AMY2B: variants seen among roughly 807,000 people sequenced by gnomAD.
The protein encoded by AMY2B is amylase alpha 2B, also known as alpha-amylase 2B.
In AMY2B, 63 loss-of-function variants were observed where a neutral mutation model predicts 59.3. That is an observed-to-expected ratio of 1.06 (90% CI 0.87 to 1.31). AMY2B has a LOEUF of 1.31. Among genes scored for constraint, AMY2B ranks in the 50% most tolerant of loss-of-function variants. The pLI is 0.00. For synonymous variants in AMY2B, 180 were observed against 198.1 expected (o/e 0.91, Z 0.77); for missense variants, 635 against 626.7 (o/e 1.01, Z -0.14).
At chr1:103,570,425 C>A (rs1005548624), upstream of AMY2B, 11 of 876,352 alleles carry the variant, frequency 1.3e-5, no homozygotes, top group Admixed American at 1.2e-4. Context: ...TCCGCAAAGA[C>A]CTGTAGGCCA....
At chr1:103,569,720 T>C, upstream of AMY2B, 1 of 403,802 alleles carries the variant, frequency 2.5e-6, no homozygotes, top group Non-Finnish European at 5.0e-6. Context: ...GTGGGCTACA[T>C]GGCTGAGAGC....
At chr1:103,558,734 G>A (rs1387152254) in intron 1 of AMY2B, among the ~76,000 whole-genome samples, 1 of 147,150 alleles carries the variant, frequency 6.8e-6, no homozygotes, top group Non-Finnish European at 1.5e-5. Context: ...CTGCACTCCA[G>A]CCTGGGTGAC....
At chr1:103,571,875 G>A (rs989779617) in intron 1 of AMY2B, 105 bp downstream of exon 1, 13 of 1,602,548 alleles carry the variant, frequency 8.1e-6, no homozygotes, top group Middle Eastern at 4.6e-4. Flanking sequence ...TCACAGGTAA[G>A]TATTCTAAGT....
Position 103,577,807 on chromosome 1 carries a change from A to C in AMY2B, c.1308A>C (p.Arg436Ser). The C allele has an allele frequency of 1.2e-6, 2 of 1,605,372 alleles. No homozygotes were observed. The highest frequency in any genetic ancestry group is 8.5e-7 in the Non-Finnish European group (1 of 1,179,750). Residue 436 changes from arginine to serine, a missense_variant, in exon 9 of 10, where the codon AGA becomes AGC. By Grantham distance (110) the Arg-to-Ser change is moderately radical (BLOSUM62 -1). Transcript: ENST00000684275. The stretch of plus-strand genomic sequence containing the variant: ...GGAGCAACCAAGTGGCTTTTGGGAG[A>C]GGAAACAGAGGATTCATTGTTTTCA... ...DNGSNQVAFG[R>S]GNRGFIVFNN...
chr1:103,568,187 G>A (rs1353184528), upstream of AMY2B: 1 of 151,932 alleles, frequency 6.6e-6, no homozygotes. Flanking sequence ...TTTCATAATT[G>A]TCTCCTGAAC....
intron 1 of AMY2B, among the ~76,000 whole-genome samples, chr1:103,556,419 G>T (rs1651553836): frequency 6.6e-6 from 1 of 152,098 alleles, no homozygotes; most frequent in Non-Finnish European, 1.5e-5. Flanking sequence ...AATAAAGAAG[G>T]TTGAGACAGT....
At position 103,573,873 on chromosome 1, in the gene AMY2B, G is replaced by A; in HGVS notation, c.679G>A (p.Asp227Asn). 1.2e-6 allele frequency: 2 copies of A among 1,613,808 alleles called. No individual in the cohort carries two copies. The highest frequency in any genetic ancestry group is 2.2e-5 in the East Asian group (1 of 44,868). Residue 227 changes from aspartate (D) to asparagine (N), a missense_variant, in exon 4 of 10, where the codon GAC becomes AAC. Physicochemically the swap from Asp to Asn is conservative, Grantham distance 23. Transcript: ENST00000684275. ...MWPGDIKAIL[D>N]KLHNLNSNWF... ...GCCTGGAGACATAAAGGCAATTTTGGACAAACTGCATAATCTAAACAGTAA... is the reference window on the plus strand; with the variant it reads ...GCCTGGAGACATAAAGGCAATTTTGAACAAACTGCATAATCTAAACAGTAA...
chr1:103,562,672 CTTTTTTT>C (rs373215753), intron 1 of AMY2B, among the ~76,000 whole-genome samples: 11 of 112,090 alleles, frequency 9.8e-5, no homozygotes, highest in African/African-American at 3.0e-4. Flanking sequence ...GATAACTTGT[CTTTTTTT>C]TTTTTTTTTT....
chr1:103,571,037 C>G (rs909305952), upstream of AMY2B: 29 of 412,964 alleles, frequency 7.0e-5, no homozygotes, highest in Non-Finnish European at 1.8e-5. Flanking sequence ...TGTGTCAGGA[C>G]TGAGTGTTCT....
intron 7 of AMY2B, among the ~76,000 whole-genome samples, chr1:103,576,437 C>T (rs1256486172): frequency 6.6e-6 from 1 of 152,150 alleles, no homozygotes; most frequent in Non-Finnish European, 1.5e-5. Context: ...TTAAGGGTCA[C>T]AGAGTATTTT....
intron 4 of AMY2B, 61 bp from the exon 5 acceptor site, chr1:103,574,199 A>G (rs1417616845): frequency 1.9e-6 from 3 of 1,608,142 alleles, no homozygotes; most frequent in Non-Finnish European, 8.5e-7. Flanking sequence ...ATATTAACTT[A>G]TTGGTTAAAA....
chr1:103,570,724 G>A, upstream of AMY2B: 1 of 527,582 alleles, frequency 1.9e-6, no homozygotes, highest in South Asian at 1.4e-5. Flanking sequence ...TAATTCAGAA[G>A]TAAAAATTTG....
At chr1:103,559,338 G>A (rs1211321160) in intron 1 of AMY2B, among the ~76,000 whole-genome samples, 5 of 152,106 alleles carry the variant, frequency 3.3e-5, no homozygotes, top group African/African-American at 2.4e-5. Context: ...TTGTAGCCTA[G>A]GAGGAATAGG....
At chr1:103,570,496 T>A (rs1652082871), upstream of AMY2B, 1 of 651,884 alleles carries the variant, frequency 1.5e-6, no homozygotes, top group African/African-American at 1.8e-5. Flanking sequence ...CAGAAGGAGA[T>A]CACCACCCGG....
rs1321263275 is a variant in AMY2B at position 103,572,349 on chromosome 1, A to T, written c.315+93A>T. 6 of 1,528,796 alleles carry T rather than the reference A, an allele frequency of 3.9e-6. No individual in the cohort carries two copies. The Middle Eastern group carries it at 9.8e-4, about 250-fold the overall frequency. The allele number at this position is 1,528,796 out of a possible 1,614,324, so 94.7% of individuals were successfully genotyped here. ...TCCTTTTCAGCAGAAAGTTTTCCAT[A>T]TTTTATTTTTTTAATTTTACTTCAT... On this transcript the variant is annotated intron_variant, in intron 2 of 9. Transcript: ENST00000684275.
chr1:103,563,198 A>T (rs985850204), intron 1 of AMY2B, among the ~76,000 whole-genome samples: 1 of 152,118 alleles, frequency 6.6e-6, no homozygotes, highest in African/African-American at 2.4e-5. Context: ...TCGTCAGGAT[A>T]TTATCAAATG....
In AMY2B at chr1:103,572,307, T is replaced by A. The variant is rs755623994; in HGVS notation, c.315+51T>A. 1.1e-5 allele frequency: 18 copies of A among 1,595,838 alleles called. No homozygotes were observed. In the African/African-American group the frequency reaches 2.0e-4, roughly 18 times the overall value. ...AAATAACAGATAGGAAAATGATTTC[T>A]CTCTCTTCTTTCTTGCTCCTTTTCA... On this transcript the variant is annotated intron_variant, in intron 2 of 9. Coordinates refer to ENST00000684275, the MANE Select transcript of AMY2B (RefSeq NM_001387437.1).
At chr1:103,577,336 T>C in intron 7 of AMY2B, 154 bp from the exon 8 acceptor site, 1 of 1,392,874 alleles carries the variant, frequency 7.2e-7, no homozygotes, top group South Asian at 1.4e-5. Flanking sequence ...GAAGACCCAG[T>C]AAAGGGCTAT....
intron 5 of AMY2B, among the ~76,000 whole-genome samples, chr1:103,574,629 C>T (rs1214449037): frequency 2.0e-5 from 3 of 151,922 alleles, no homozygotes; most frequent in Admixed American, 6.6e-5. Context: ...CGTCTAAGTA[C>T]GAGATGAATA....
Sources: allele counts gnomAD v4.1 joint callset (sites outside exome capture counted in the v4.1 genomes callset), GRCh38; gene constraint gnomAD v4.1.1; transcripts MANE v1.5; gene names NCBI Gene and HGNC (gene_info 2026-07-23, HGNC 2026-07-21).